DNAJC25: variants seen among roughly 807,000 people sequenced by gnomAD.
The protein encoded by DNAJC25 is dnaJ homolog subfamily C member 25.
In DNAJC25, 26 loss-of-function variants were observed where a neutral mutation model predicts 42.1. The observed-to-expected ratio is 0.62, with a 90% CI of 0.45 to 0.86. The LOEUF is 0.86. DNAJC25 is among the 40% of genes least tolerant of loss of function. The probability of loss-of-function intolerance (pLI) is 0.00; values close to 1 mark genes in which losing one functional copy is unlikely to be tolerated. For synonymous variants in DNAJC25, 189 were observed against 179.9 expected (o/e 1.05, Z -0.40); for missense variants, 404 against 459.4 (o/e 0.88, Z 1.10).
At chr9:111,632,086 A>G (rs1332559100) in intron 1 of DNAJC25, among the ~76,000 whole-genome samples, 1 of 152,262 alleles carries the variant, frequency 6.6e-6, no homozygotes, top group Non-Finnish European at 1.5e-5. Flanking sequence ...GGGGTAGCCC[A>G]CAACAGGGAA....
intron 1 of DNAJC25, among the ~76,000 whole-genome samples, chr9:111,639,685 A>ATG (rs146132985): frequency 0.013 from 1,967 of 149,792 alleles, 45 homozygotes; most frequent in African/African-American, 0.044. Context: ...TTTCAAAAAA[A>ATG]TGTGTGTGTG....
intron 1 of DNAJC25, 49 bp downstream of exon 1, chr9:111,631,792 C>A: frequency 2.7e-6 from 4 of 1,466,832 alleles, no homozygotes; most frequent in Non-Finnish European, 3.6e-6. Context: ...CGCGGGAAGC[C>A]CACGGCGCCT....
At position 111,643,373 on chromosome 9, in the gene DNAJC25, A is replaced by C. The variant is rs371758642; in HGVS notation, c.337-3734A>C. 1.5e-4 allele frequency among the ~76,000 whole-genome samples: 23 copies of C among 152,246 alleles called. 1 individual carries two copies. The highest frequency in any genetic ancestry group is 5.3e-4 in the African/African-American group (22 of 41,566). On this transcript the variant is annotated intron_variant, in intron 1 of 3. Coordinates refer to ENST00000313525, the MANE Select transcript of DNAJC25 (RefSeq NM_001015882.3). ...CCCTACCTACTTTCCAGAACTTCTC[A>C]TTCTAAGAAAAGAAAAAAACTGATG...
At chr9:111,645,319 G>A (rs10435862) in intron 1 of DNAJC25, among the ~76,000 whole-genome samples, 41,257 of 150,860 alleles carry the variant, frequency 0.27, 6,172 homozygotes, top group East Asian at 0.45. Flanking sequence ...CAGTGGTACA[G>A]TCTCGGCTCA....
Position 111,631,351 on chromosome 9 carries a change from C to G in DNAJC25, c.-57C>G, listed in dbSNP as rs984677349. On this transcript the variant is annotated 5_prime_UTR_variant, in exon 1 of 4. Transcript: ENST00000313525. ...CTGGGGCCAGACGGGACTAGCCGGG[C>G]GCGCGGCTGAGTGCTGCAGAATCGC... The G allele has an allele frequency of 8.0e-7, 1 of 1,253,004 alleles. No homozygotes were observed. Among genetic ancestry groups the G allele is most frequent in the African/African-American group, 1.6e-5 (1 of 63,790 alleles). The allele number at this position is 1,253,004 out of a possible 1,614,324, so 77.6% of individuals were successfully genotyped here.
rs1261226064 is a variant in DNAJC25, at chr9:111,654,339, C to A, written c.*1117C>A. 1 of 152,188 alleles carries A rather than the reference C, an allele frequency of 6.6e-6. No individual in the cohort carries two copies. Among genetic ancestry groups the A allele is most frequent in the Non-Finnish European group, 1.5e-5 (1 of 68,030 alleles). 9.4% of individuals were successfully genotyped at this position (152,188 alleles called of 1,614,324 possible). On this transcript the variant is annotated 3_prime_UTR_variant, in exon 4 of 4. Coordinates refer to ENST00000313525, the MANE Select transcript of DNAJC25 (RefSeq NM_001015882.3). ...TTGCTTCATATTAATAAAATGGTTA[C>A]AATATATCACAAGTTTGTTGATATG...
At chr9:111,646,893 G>C (rs1429309725) in intron 1 of DNAJC25, among the ~76,000 whole-genome samples, 1 of 152,122 alleles carries the variant, frequency 6.6e-6, no homozygotes, top group African/African-American at 2.4e-5. Context: ...ACTTAGAGAA[G>C]TATTTTTGTT....
intron 1 of DNAJC25, among the ~76,000 whole-genome samples, chr9:111,637,464 T>G (rs1293624415): frequency 3.3e-5 from 5 of 152,246 alleles, no homozygotes; most frequent in Admixed American, 6.5e-5. Flanking sequence ...CACTGTCTTC[T>G]TCTGTCATTC....
At chr9:111,651,885 C>T (rs1161849283) in intron 3 of DNAJC25, among the ~76,000 whole-genome samples, 1 of 150,086 alleles carries the variant, frequency 6.7e-6, no homozygotes, top group Non-Finnish European at 1.5e-5. Flanking sequence ...TGCAGATGTT[C>T]TGTGTTCTCA....
At chr9:111,647,779 C>CTGTTTT (rs899690925) in intron 2 of DNAJC25, among the ~76,000 whole-genome samples, 8 of 152,158 alleles carry the variant, frequency 5.3e-5, no homozygotes, top group African/African-American at 2.4e-5. Flanking sequence ...TAGGAACTTT[C>CTGTTTT]TGTTTTTGTT....
chr9:111,640,832 G>A (rs1830443823), intron 1 of DNAJC25, among the ~76,000 whole-genome samples: 1 of 129,488 alleles, frequency 7.7e-6, no homozygotes, highest in Admixed American at 8.0e-5. Context: ...CCGGGAGGGA[G>A]GTGGGGGGGG....
rs547667085 is a variant in DNAJC25 at position 111,632,276 on chromosome 9, A to G, written c.336+533A>G. ...TGAGTCTTTGCTGTGACACCCCTGT[A>G]TGACCTTGGATAGTGACTTATTATG... On this transcript the variant is annotated intron_variant, in intron 1 of 3. Coordinates refer to ENST00000313525, the MANE Select transcript of DNAJC25 (RefSeq NM_001015882.3). Among the ~76,000 whole-genome samples the G allele has an allele frequency of 1.1e-4, 16 of 151,564 alleles. No homozygotes were observed. The South Asian group carries it at 3.1e-3, about 30-fold the overall frequency.
At position 111,631,393 on chromosome 9, in the gene DNAJC25, C is replaced by G. The variant is rs1451028022; in HGVS notation, c.-15C>G. ...CAGAATCGCTGGGGTGGCAGAGCCG[C>G]CAGCGAGGCTGGGGATGGGGGCGCC... On this transcript the variant is annotated 5_prime_UTR_variant, in exon 1 of 4. Coordinates refer to ENST00000313525, the MANE Select transcript of DNAJC25 (RefSeq NM_001015882.3). 1.6e-5 allele frequency: 21 copies of G among 1,273,572 alleles called. No homozygotes were observed. The highest frequency in any genetic ancestry group is 5.9e-4 in the Middle Eastern group (2 of 3,400). The allele number at this position is 1,273,572 out of a possible 1,614,324, so 78.9% of individuals were successfully genotyped here.
At chr9:111,639,364 C>T (rs180797809) in intron 1 of DNAJC25, among the ~76,000 whole-genome samples, 27 of 152,250 alleles carry the variant, frequency 1.8e-4, no homozygotes, top group Admixed American at 1.6e-3. Flanking sequence ...GGTTTTTGAG[C>T]ATGTTGAGTT....
In DNAJC25 at chr9:111,638,362, T is replaced by C. The variant is rs1006047267; in HGVS notation, c.336+6619T>C. Among the ~76,000 whole-genome samples the C allele has an allele frequency of 3.9e-5, 6 of 152,234 alleles. No individual in the cohort carries two copies. The East Asian group carries it at 1.2e-3, about 29-fold the overall frequency. On this transcript the variant is annotated intron_variant, in intron 1 of 3. Transcript: ENST00000313525. ...TGCATTCCACGGACATAATTTGTCT[T>C]TCTGTGAATAGGAGTCATTTGCATT... is the stretch of plus-strand genomic sequence containing the variant.
At chr9:111,638,782 T>G (rs1468860701) in intron 1 of DNAJC25, among the ~76,000 whole-genome samples, 1 of 152,108 alleles carries the variant, frequency 6.6e-6, no homozygotes, top group Non-Finnish European at 1.5e-5. Flanking sequence ...TTCAGAAATA[T>G]ATACTTCTAC....
At chr9:111,641,014 C>T (rs1189099427) in intron 1 of DNAJC25, among the ~76,000 whole-genome samples, 2 of 100,402 alleles carry the variant, frequency 2.0e-5, no homozygotes, top group Admixed American at 9.8e-5. Context: ...GGGTCAGCCC[C>T]GCGCCCGGCC....
chr9:111,637,698 T>TTCTTGTTG (rs1830384369), intron 1 of DNAJC25, among the ~76,000 whole-genome samples: 1 of 152,200 alleles, frequency 6.6e-6, no homozygotes. Context: ...CTTGTTGAGG[T>TTCTTGTTG]GAACAGTGAC....
chr9:111,654,222 A>G lies in DNAJC25; in HGVS notation c.*1000A>G, dbSNP rs1470294502. The G allele has an allele frequency of 1.3e-5, 2 of 152,210 alleles. No individual in the cohort carries two copies. Among genetic ancestry groups the G allele is most frequent in the Non-Finnish European group, 2.9e-5 (2 of 68,030 alleles). The allele number at this position is 152,210 out of a possible 1,614,324, so 9.4% of individuals were successfully genotyped here. On this transcript the variant is annotated 3_prime_UTR_variant, in exon 4 of 4. Coordinates refer to ENST00000313525, the MANE Select transcript of DNAJC25 (RefSeq NM_001015882.3). ...GTGTGGCAGTGCAAGTAAATAACAC[A>G]TTATTTGACTGAATCAGGCATGATA... is the stretch of plus-strand genomic sequence containing the variant.
Sources: gnomAD v4.1 joint callset for allele counts (sites outside exome capture counted in the v4.1 genomes callset) on GRCh38, gnomAD v4.1.1 for gene constraint, MANE v1.5 for transcripts, NCBI Gene and HGNC (gene_info 2026-07-23, HGNC 2026-07-21) for gene names.